Variants in TM4SF4 observed in about 807,000 individuals in gnomAD.
TM4SF4 encodes the protein transmembrane 4 L6 family member 4.
In TM4SF4, 24 loss-of-function variants were observed where a neutral mutation model predicts 24.1. That is an observed-to-expected ratio of 1.00 (90% CI 0.72 to 1.40). TM4SF4 has a LOEUF of 1.40. TM4SF4 is among the 40% of genes most tolerant of loss of function. The pLI is 0.00. For synonymous variants in TM4SF4, 113 were observed against 97.0 expected, an observed-to-expected ratio of 1.17 and a Z score of -0.97; for missense variants, 254 against 254.2, an observed-to-expected ratio of 1.00 and a Z score of 0.01.
At position 149,487,737 on chromosome 3, in the gene TM4SF4, G is replaced by GCTA. The variant is rs1560031107; in HGVS notation, c.385_387dup (p.Tyr129dup). 10 of 1,613,852 alleles carry GCTA rather than the reference G, an allele frequency of 6.2e-6. No individual in the cohort carries two copies. The Admixed American group carries it at 1.7e-4, about 27-fold the overall frequency. On this transcript the variant is annotated inframe_insertion, in exon 3 of 5. Coordinates refer to ENST00000305354, the MANE Select transcript of TM4SF4 (RefSeq NM_004617.4). ...TGCCTCATGGCCAATAGTACATGGGGCTACCCCTTCCACGACGGGTAAGGC... is the reference window on the plus strand; with the variant it reads ...TGCCTCATGGCCAATAGTACATGGGGCTACTACCCCTTCCACGACGGGTAAGGC...
intron 3 of TM4SF4, among the ~76,000 whole-genome samples, chr3:149,497,790 G>T (rs887852904): frequency 1.3e-5 from 2 of 152,086 alleles, no homozygotes; most frequent in Non-Finnish European, 2.9e-5. Context: ...GATTACAGGT[G>T]CCCACCAGCA....
At chr3:149,478,272 A>G (rs1256275080) in intron 2 of TM4SF4, among the ~76,000 whole-genome samples, 3 of 152,092 alleles carry the variant, frequency 2.0e-5, no homozygotes, top group African/African-American at 7.2e-5. Flanking sequence ...CAGCCTCCCA[A>G]GTAGCTGGGA....
At chr3:149,497,573 AAG>A (rs1388510970) in intron 3 of TM4SF4, among the ~76,000 whole-genome samples, 1 of 152,218 alleles carries the variant, frequency 6.6e-6, no homozygotes, top group Non-Finnish European at 1.5e-5. Context: ...AATATTCCAC[AAG>A]ATTTTACCAC....
chr3:149,484,076 G>A (rs4681175), intron 2 of TM4SF4, among the ~76,000 whole-genome samples: 53,901 of 151,890 alleles, frequency 0.35, 9,959 homozygotes, highest in Middle Eastern at 0.42. Flanking sequence ...CCACTGTGCC[G>A]GGCCCGTTTA....
intron 3 of TM4SF4, among the ~76,000 whole-genome samples, chr3:149,487,961 A>G (rs1734148333): frequency 6.6e-6 from 1 of 152,232 alleles, no homozygotes; most frequent in African/African-American, 2.4e-5. Flanking sequence ...AGACCCCAGG[A>G]GAAATAACTA....
At chr3:149,497,713 T>C (rs1734336030) in intron 3 of TM4SF4, among the ~76,000 whole-genome samples, 1 of 152,160 alleles carries the variant, frequency 6.6e-6, no homozygotes, top group South Asian at 2.1e-4. Flanking sequence ...GGCATGATCT[T>C]GGCTCACTGC....
chr3:149,492,333 A>C (rs1371935495), intron 3 of TM4SF4, among the ~76,000 whole-genome samples: 2 of 152,172 alleles, frequency 1.3e-5, no homozygotes, highest in African/African-American at 2.4e-5. Flanking sequence ...TTTGGTGATA[A>C]TATTAAGGGA....
rs145737778 is a variant in TM4SF4, at chr3:149,501,407, A to G, written c.592-1269A>G. Among the ~76,000 whole-genome samples the G allele has an allele frequency of 1.2e-4, 19 of 152,266 alleles. No individual in the cohort carries two copies. In the East Asian group the frequency reaches 3.7e-3, roughly 29 times the overall value. On this transcript the variant is annotated intron_variant, in intron 4 of 4. Coordinates refer to ENST00000305354, the MANE Select transcript of TM4SF4 (RefSeq NM_004617.4). ...CCAACTTTCTATTTTGAAAACTTCAAATCTACATAAAGTTGAAGGAATGGT... is the reference window on the plus strand; with the variant it reads ...CCAACTTTCTATTTTGAAAACTTCAGATCTACATAAAGTTGAAGGAATGGT...
At chr3:149,478,420 C>T (rs937680936) in intron 2 of TM4SF4, among the ~76,000 whole-genome samples, 3 of 152,136 alleles carry the variant, frequency 2.0e-5, no homozygotes, top group Admixed American at 6.5e-5. Flanking sequence ...GCTGGCATTA[C>T]AGTCATGAGC....
chr3:149,495,979 G>A, intron 3 of TM4SF4: 1 of 274,498 alleles, frequency 3.6e-6, no homozygotes, highest in Non-Finnish European at 7.1e-6. Context: ...AGGTCACCAA[G>A]TCTGCCCAGA....
chr3:149,482,163 G>A (rs1259680483), intron 2 of TM4SF4, among the ~76,000 whole-genome samples: 2 of 152,150 alleles, frequency 1.3e-5, no homozygotes, highest in African/African-American at 4.8e-5. Flanking sequence ...TATCTGTAAG[G>A]CAGGTACTTA....
At chr3:149,479,388 T>C (rs999605540) in intron 2 of TM4SF4, among the ~76,000 whole-genome samples, 14 of 150,454 alleles carry the variant, frequency 9.3e-5, no homozygotes, top group African/African-American at 2.9e-4. Context: ...TTTGAGGTTA[T>C]TGGGGGGTCT....
intron 3 of TM4SF4, among the ~76,000 whole-genome samples, chr3:149,488,832 C>G (rs77613638): frequency 0.023 from 3,574 of 152,210 alleles, 67 homozygotes; most frequent in Non-Finnish European, 0.036. Flanking sequence ...GGAAATATAA[C>G]TATAGGGTCT....
intron 2 of TM4SF4, among the ~76,000 whole-genome samples, chr3:149,480,829 T>C (rs1352585944): frequency 3.9e-5 from 6 of 152,138 alleles, no homozygotes; most frequent in African/African-American, 1.4e-4. Context: ...CCTATTTTTA[T>C]TCTACTTCTA....
At chr3:149,484,370 A>AT (rs57726360) in intron 2 of TM4SF4, among the ~76,000 whole-genome samples, 61,465 of 151,700 alleles carry the variant, frequency 0.41, 12,901 homozygotes, top group Non-Finnish European at 0.47. Flanking sequence ...TTAGAATGCA[A>AT]TTGTTTATTT....
At chr3:149,494,130 G>A (rs1734267558) in intron 3 of TM4SF4, among the ~76,000 whole-genome samples, 2 of 152,198 alleles carry the variant, frequency 1.3e-5, no homozygotes, top group African/African-American at 2.4e-5. Flanking sequence ...CTCTCCCTGG[G>A]TTTGGGGAGT....
intron 3 of TM4SF4, chr3:149,495,045 A>G: frequency 4.1e-6 from 1 of 246,044 alleles, no homozygotes; most frequent in Non-Finnish European, 8.1e-6. Flanking sequence ...AGACCCATGA[A>G]CATGCCCTTC....
intron 2 of TM4SF4, among the ~76,000 whole-genome samples, chr3:149,481,881 C>T (rs1296316150): frequency 3.3e-5 from 5 of 152,230 alleles, no homozygotes; most frequent in Middle Eastern, 3.4e-3. Flanking sequence ...GGAATTAGCC[C>T]GTTGAATTTT....
intron 3 of TM4SF4, among the ~76,000 whole-genome samples, chr3:149,493,784 CG>C (rs755376508): frequency 7.2e-5 from 11 of 152,090 alleles, no homozygotes; most frequent in Non-Finnish European, 1.5e-4. Context: ...ACAACAGGGG[CG>C]GAAACACAGA....
Sources: gnomAD v4.1 joint callset for allele counts (sites outside exome capture counted in the v4.1 genomes callset) on GRCh38, gnomAD v4.1.1 for gene constraint, MANE v1.5 for transcripts, NCBI Gene and HGNC (gene_info 2026-07-23, HGNC 2026-07-21) for gene names.